Variants in MAP2K6 observed in about 807,000 individuals in gnomAD.
MAP2K6 encodes the protein dual specificity mitogen-activated protein kinase kinase 6.
A neutral mutation model predicts 53.7 loss-of-function variants in MAP2K6; 16 were observed. The observed-to-expected ratio is 0.30, with a 90% CI of 0.20 to 0.45. The LOEUF is 0.45. MAP2K6 is among the 20% of genes least tolerant of loss of function. MAP2K6 has a pLI of 1.00. For synonymous variants in MAP2K6, 132 were observed against 143.1 expected (o/e 0.92, Z 0.55); for missense variants, 204 against 411.9 (o/e 0.50, Z 4.37).
chr17:69,490,708 GA>G (rs1908708373), intron 1 of MAP2K6, among the ~76,000 whole-genome samples: 1 of 151,908 alleles, frequency 6.6e-6, no homozygotes, highest in South Asian at 2.1e-4. Flanking sequence ...TAAAACCCCT[GA>G]ATTTTTTTTT....
At chr17:69,463,244 C>A (rs1247058092) in intron 1 of MAP2K6, among the ~76,000 whole-genome samples, 1 of 150,750 alleles carries the variant, frequency 6.6e-6, no homozygotes, top group African/African-American at 2.4e-5. Context: ...CATTTTTTTA[C>A]ATTTTGCTTT....
At chr17:69,432,815 A>G (rs1022086704) in intron 1 of MAP2K6, among the ~76,000 whole-genome samples, 3 of 152,056 alleles carry the variant, frequency 2.0e-5, no homozygotes, top group Non-Finnish European at 4.4e-5. Flanking sequence ...AAAATTAAAA[A>G]AAAAAAAAAA....
rs183776083 is a variant in MAP2K6, at chr17:69,515,415, C to T, written c.84-1440C>T. Among the ~76,000 whole-genome samples, 11 of 152,270 alleles carry T rather than the reference C, an allele frequency of 7.2e-5. No individual in the cohort carries two copies. The East Asian group carries it at 2.1e-3, about 29-fold the overall frequency. ...CAGGTGATCCGCCTGCCTCAGCCTC[C>T]CAAAGTGCTGGGATTACAGCTGTGA... On this transcript the variant is annotated intron_variant, in intron 2 of 11. Coordinates refer to ENST00000590474, the MANE Select transcript of MAP2K6 (RefSeq NM_002758.4).
intron 1 of MAP2K6, 45 bp from the exon 2 acceptor site, chr17:69,505,735 G>T: frequency 6.8e-7 from 1 of 1,474,262 alleles, no homozygotes; most frequent in Non-Finnish European, 9.5e-7. Flanking sequence ...CTGCTATCTT[G>T]CTATGATTTA....
In MAP2K6 at chr17:69,553,689, C is replaced by G. The variant is rs1271861090; in HGVS notation, c.*11936C>G. On this transcript the variant is annotated 3_prime_UTR_variant, in exon 12 of 12. Coordinates refer to ENST00000590474, the MANE Select transcript of MAP2K6 (RefSeq NM_002758.4). ...AACAACAGTTTAACGATAGAGAAGA[C>G]AGTGATAATGGCAAAAAAAACACCC... 1 of 152,180 alleles carries G rather than the reference C, an allele frequency of 6.6e-6. No homozygotes were observed. Among genetic ancestry groups the G allele is most frequent in the African/African-American group, 2.4e-5 (1 of 41,438 alleles). 9.4% of individuals were successfully genotyped at this position (152,180 alleles called of 1,614,324 possible).
rs758360067 is a variant in MAP2K6 at position 69,542,373 on chromosome 17, C to A, written c.*620C>A. 14 of 152,624 alleles carry A rather than the reference C, an allele frequency of 9.2e-5. No individual in the cohort carries two copies. Among genetic ancestry groups the A allele is most frequent in the Non-Finnish European group, 1.5e-4 (10 of 68,038 alleles). The allele number at this position is 152,624 out of a possible 1,614,324, so 9.5% of individuals were successfully genotyped here. ...CTGTTCCAGCTGTTGTGACTGCTGC[C>A]ATTTTTGCAAACATCTGCCCAATCC... On this transcript the variant is annotated 3_prime_UTR_variant, in exon 12 of 12. Coordinates refer to ENST00000590474, the MANE Select transcript of MAP2K6 (RefSeq NM_002758.4).
chr17:69,475,325 C>T (rs1272126519), intron 1 of MAP2K6, among the ~76,000 whole-genome samples: 1 of 141,438 alleles, frequency 7.1e-6, no homozygotes, highest in African/African-American at 2.6e-5. Flanking sequence ...CCCGCCAACA[C>T]GCCCGGCTAA....
intron 1 of MAP2K6, among the ~76,000 whole-genome samples, chr17:69,479,858 G>A (rs1908286959): frequency 6.6e-6 from 1 of 151,680 alleles, no homozygotes; most frequent in Non-Finnish European, 1.5e-5. Context: ...TCAGCCTCCC[G>A]AATAGTTGGG....
intron 11 of MAP2K6, among the ~76,000 whole-genome samples, chr17:69,541,104 A>G (rs1004425370): frequency 6.6e-6 from 1 of 152,098 alleles, no homozygotes; most frequent in African/African-American, 2.4e-5. Flanking sequence ...TCTACTAAAA[A>G]TATAAAAAAT....
chr17:69,533,739 T>G (rs915874671), intron 10 of MAP2K6, among the ~76,000 whole-genome samples: 27 of 151,196 alleles, frequency 1.8e-4, no homozygotes, highest in Admixed American at 3.3e-4. Context: ...CTGTTTGTTT[T>G]TTTTTTTTTT....
chr17:69,514,044 G>T (rs1202017313), intron 2 of MAP2K6, among the ~76,000 whole-genome samples: 1 of 151,668 alleles, frequency 6.6e-6, no homozygotes, highest in Non-Finnish European at 1.5e-5. Flanking sequence ...GTAAGGCAGA[G>T]GTTGCAGTGA....
At chr17:69,431,757 C>A (rs1293174463) in intron 1 of MAP2K6, among the ~76,000 whole-genome samples, 1 of 152,160 alleles carries the variant, frequency 6.6e-6, no homozygotes, top group Admixed American at 6.5e-5. Flanking sequence ...GTGGACCAGG[C>A]TTTTTGCTCA....
rs1911827514 is a variant in MAP2K6 at position 69,545,142 on chromosome 17, T to G, written c.*3389T>G. The G allele has an allele frequency of 6.6e-6, 1 of 152,136 alleles. No individual in the cohort carries two copies. The highest frequency in any genetic ancestry group is 2.1e-4 in the South Asian group (1 of 4,826). The allele number at this position is 152,136 out of a possible 1,614,324, so 9.4% of individuals were successfully genotyped here. A position where few individuals can be genotyped will look rare whatever the true frequency, so the allele number is the denominator to read the frequency against. ...CTCTGAAGATAATTTCAAATGAAGA[T>G]TTCCACACCCCGCCCCCACCACCCC... On this transcript the variant is annotated 3_prime_UTR_variant, in exon 12 of 12. Transcript: ENST00000590474.
chr17:69,475,164 G>GT (rs775528883), intron 1 of MAP2K6, among the ~76,000 whole-genome samples: 6,184 of 111,614 alleles, frequency 0.055, 616 homozygotes, highest in African/African-American at 0.16. Context: ...TGAAATCTGT[G>GT]TTTTTTTTTT....
chr17:69,465,700 A>G (rs1486918963), intron 1 of MAP2K6, among the ~76,000 whole-genome samples: 4 of 151,106 alleles, frequency 2.6e-5, no homozygotes, highest in Admixed American at 2.6e-4. Flanking sequence ...GCTCACTGCA[A>G]CCCCTGCCTC....
chr17:69,538,832 G>A (rs771539455), intron 11 of MAP2K6, among the ~76,000 whole-genome samples: 2 of 152,012 alleles, frequency 1.3e-5, no homozygotes, highest in Non-Finnish European at 2.9e-5. Context: ...TTCTGTAAAG[G>A]ACTAAATAGT....
At position 69,544,597 on chromosome 17, in the gene MAP2K6, C is replaced by T. The variant is rs913744602; in HGVS notation, c.*2844C>T. On this transcript the variant is annotated 3_prime_UTR_variant, in exon 12 of 12. Transcript: ENST00000590474. Reference sequence around the variant, plus strand: ...GTATTACAAAATCAGTATAGCTCTACAAAAGAGATCATGCTTATTTCCCCA... The same window carrying T: ...GTATTACAAAATCAGTATAGCTCTATAAAAGAGATCATGCTTATTTCCCCA... 7 of 152,180 alleles carry T rather than the reference C, an allele frequency of 4.6e-5. No individual in the cohort carries two copies. The highest frequency in any genetic ancestry group is 1.0e-4 in the Non-Finnish European group (7 of 68,026). 9.4% of individuals were successfully genotyped at this position (152,180 alleles called of 1,614,324 possible).
chr17:69,492,884 C>A (rs1279699525), intron 1 of MAP2K6, among the ~76,000 whole-genome samples: 1 of 152,172 alleles, frequency 6.6e-6, no homozygotes, highest in East Asian at 1.9e-4. Flanking sequence ...GGGAACCATC[C>A]TCAGCCTAGC....
intron 1 of MAP2K6, among the ~76,000 whole-genome samples, chr17:69,461,745 C>G (rs1035643109): frequency 6.6e-6 from 1 of 152,166 alleles, no homozygotes; most frequent in Non-Finnish European, 1.5e-5. Context: ...CGTCCCAAGT[C>G]TAACTCAGAT....
Sources: allele counts gnomAD v4.1 joint callset (sites outside exome capture counted in the v4.1 genomes callset), GRCh38; gene constraint gnomAD v4.1.1; transcripts MANE v1.5; gene names NCBI Gene and HGNC (gene_info 2026-07-23, HGNC 2026-07-21).